The following ZNF423 variants were observed in gnomAD, a reference collection of about 807,000 sequenced individuals.
ZNF423 encodes Ebf-associated zinc finger protein.
ZNF423 carries 12 observed loss-of-function variants against 95.8 expected under a neutral mutation model. That is an observed-to-expected ratio of 0.13 (90% CI 0.08 to 0.20). The LOEUF (loss-of-function observed/expected upper bound fraction) is 0.20. Among genes scored for constraint, ZNF423 ranks in the 10% least tolerant of loss-of-function variants. ZNF423 has a pLI of 1.00. For synonymous variants in ZNF423, 749 were observed against 711.9 expected (o/e 1.05, Z -0.83); for missense variants, 1,316 against 1,737.1 (o/e 0.76, Z 4.31).
chr16:49,806,540 T>C (rs2034666166), intron 1 of ZNF423, among the ~76,000 whole-genome samples: 1 of 152,214 alleles, frequency 6.6e-6, no homozygotes, highest in African/African-American at 2.4e-5. Flanking sequence ...TAAATAAATG[T>C]CAGTTCCTGG....
intron 3 of ZNF423, among the ~76,000 whole-genome samples, chr16:49,717,527 T>G (rs2032743263): frequency 6.6e-6 from 1 of 152,234 alleles, no homozygotes; most frequent in Admixed American, 6.5e-5. Flanking sequence ...AGCACTTGAC[T>G]TGACCTGAGC....
chr16:49,542,619 A>AC (rs1385240300), intron 5 of ZNF423, among the ~76,000 whole-genome samples: 11 of 151,976 alleles, frequency 7.2e-5, no homozygotes, highest in Non-Finnish European at 1.3e-4. Context: ...GAGGCCTGGG[A>AC]CCCCCCATGA....
At chr16:49,630,183 C>T in intron 4 of ZNF423, among the ~76,000 whole-genome samples, 1 of 152,112 alleles carries the variant, frequency 6.6e-6, no homozygotes, top group East Asian at 1.9e-4. Flanking sequence ...CCAGCCTTGC[C>T]ACAGACAAAG....
At chr16:49,625,975 G>A (rs1972248584) in intron 5 of ZNF423, among the ~76,000 whole-genome samples, 195 bp downstream of exon 5, 1 of 152,232 alleles carries the variant, frequency 6.6e-6, no homozygotes, top group East Asian at 1.9e-4. Flanking sequence ...TATAATGTGA[G>A]TGGAGCTGCG....
intron 7 of ZNF423, among the ~76,000 whole-genome samples, chr16:49,510,370 G>A (rs577535667): frequency 8.5e-5 from 13 of 152,280 alleles, no homozygotes; most frequent in South Asian, 2.1e-4. Flanking sequence ...GGGGGTGGAC[G>A]TTGACTGTGC....
At chr16:49,710,984 A>G (rs2032525061) in intron 3 of ZNF423, among the ~76,000 whole-genome samples, 1 of 152,134 alleles carries the variant, frequency 6.6e-6, no homozygotes, top group Non-Finnish European at 1.5e-5. Flanking sequence ...GTAGGCAGGT[A>G]CTGACTCCCC....
chr16:49,707,155 C>T (rs1004397527), intron 3 of ZNF423, among the ~76,000 whole-genome samples: 2 of 151,712 alleles, frequency 1.3e-5, no homozygotes, highest in Admixed American at 6.5e-5. Context: ...GTACCTACCC[C>T]CGGGGTCCCT....
At chr16:49,654,841 C>T (rs8056304) in intron 3 of ZNF423, among the ~76,000 whole-genome samples, 23,649 of 152,222 alleles carry the variant, frequency 0.16, 1,909 homozygotes, top group East Asian at 0.21. Context: ...GCAGAGTCCA[C>T]GCTTAGCATT....
chr16:49,669,540 C>T (rs937389704), intron 3 of ZNF423, among the ~76,000 whole-genome samples: 1 of 152,104 alleles, frequency 6.6e-6, no homozygotes, highest in Non-Finnish European at 1.5e-5. Context: ...ACAGGGCAGC[C>T]CAGAGGACAC....
intron 3 of ZNF423, among the ~76,000 whole-genome samples, chr16:49,722,611 G>A (rs1290446704): frequency 7.2e-5 from 11 of 152,196 alleles, no homozygotes; most frequent in Non-Finnish European, 4.4e-5. Flanking sequence ...GACCTACTAT[G>A]TCCAGAACTT....
At chr16:49,715,915 G>A (rs958502304) in intron 3 of ZNF423, among the ~76,000 whole-genome samples, 1 of 151,966 alleles carries the variant, frequency 6.6e-6, no homozygotes, top group African/African-American at 2.4e-5. Flanking sequence ...GGGCATGGTG[G>A]TGCAAGCCTA....
intron 3 of ZNF423, among the ~76,000 whole-genome samples, chr16:49,672,710 C>G (rs530512421): frequency 2.6e-5 from 4 of 151,964 alleles, no homozygotes; most frequent in Admixed American, 6.6e-5. Context: ...CAGCTACTCG[C>G]GAGGCTGAGG....
At chr16:49,845,491 CG>C (rs2035235575) in intron 1 of ZNF423, among the ~76,000 whole-genome samples, 1 of 151,590 alleles carries the variant, frequency 6.6e-6, no homozygotes. Context: ...TCTTATGCAC[CG>C]GGACAACAGT....
chr16:49,518,162 T>C, intron 7 of ZNF423: 3 of 388,574 alleles, frequency 7.7e-6, no homozygotes, highest in Non-Finnish European at 1.5e-5. Flanking sequence ...CACTAAGATA[T>C]TTGCATCCTT....
chr16:49,704,334 C>T (rs777296044), intron 3 of ZNF423, among the ~76,000 whole-genome samples: 1 of 152,184 alleles, frequency 6.6e-6, no homozygotes, highest in Non-Finnish European at 1.5e-5. Context: ...CAGAGGTGAC[C>T]TCCCTCCTCT....
At chr16:49,611,029 A>G (rs1214255301) in intron 5 of ZNF423, among the ~76,000 whole-genome samples, 2 of 152,116 alleles carry the variant, frequency 1.3e-5, no homozygotes, top group African/African-American at 4.8e-5. Flanking sequence ...TAGAGCTGAC[A>G]GAAGAAATAG....
chr16:49,730,655 C>A, intron 3 of ZNF423, 116 bp downstream of exon 3: 1 of 1,114,472 alleles, frequency 9.0e-7, no homozygotes, highest in Non-Finnish European at 1.3e-6. Flanking sequence ...AATAAAATGA[C>A]ATTAACTGTA....
At chr16:49,685,402 A>G (rs1460844966) in intron 3 of ZNF423, among the ~76,000 whole-genome samples, 1 of 152,172 alleles carries the variant, frequency 6.6e-6, no homozygotes, top group African/African-American at 2.4e-5. Flanking sequence ...GAGGGGACTG[A>G]GCAGCAGCCA....
At chr16:49,809,890 G>A (rs2034724692) in intron 1 of ZNF423, among the ~76,000 whole-genome samples, 2 of 152,164 alleles carry the variant, frequency 1.3e-5, no homozygotes, top group South Asian at 4.1e-4. Flanking sequence ...CCGCATGAGA[G>A]TGAGAGCTCG....
Sources: gnomAD v4.1 joint callset for allele counts (sites outside exome capture counted in the v4.1 genomes callset) on GRCh38, gnomAD v4.1.1 for gene constraint, MANE v1.5 for transcripts, NCBI Gene and HGNC (gene_info 2026-07-23, HGNC 2026-07-21) for gene names.